The following PCDH11X variants were observed in gnomAD, a reference collection of about 807,000 sequenced individuals.
PCDH11X encodes protocadherin 11 X-linked.
In PCDH11X, 18 loss-of-function variants were observed where a neutral mutation model predicts 53.3. The ratio of observed to expected loss-of-function variants is 0.34; its 90% CI spans 0.23 to 0.50. PCDH11X has a LOEUF of 0.50. Ranked by LOEUF, PCDH11X falls within the 20% of genes least tolerant of loss-of-function variation. The probability of loss-of-function intolerance (pLI) is 0.98; values close to 1 mark genes in which losing one functional copy is unlikely to be tolerated. For missense variants in PCDH11X, 570 were observed against 1,032.4 expected, an observed-to-expected ratio of 0.55 and a Z score of 6.14; for synonymous variants, 279 against 393.3, an observed-to-expected ratio of 0.71 and a Z score of 3.44.
intron 6 of PCDH11X, among the ~76,000 whole-genome samples, chrX:92,112,235 C>A (rs776598227): frequency 1.5e-4 from 16 of 107,697 alleles, no homozygotes; most frequent in African/African-American, 4.8e-4. Flanking sequence ...ATAAGACATG[C>A]GTTATTTGTG....
At chrX:92,133,469 C>T (rs764073862) in intron 6 of PCDH11X, among the ~76,000 whole-genome samples, 3 of 111,616 alleles carry the variant, frequency 2.7e-5, no homozygotes, top group Admixed American at 9.6e-5. Context: ...TGGCTTCAAG[C>T]GATTCTCCTG....
At chrX:92,073,704 G>A (rs2063735704) in intron 6 of PCDH11X, among the ~76,000 whole-genome samples, 1 of 112,322 alleles carries the variant, frequency 8.9e-6, no homozygotes. Context: ...GAATGGGTCA[G>A]TTCTTTAGGG....
At chrX:92,503,036 C>A (rs2073988012) in intron 10 of PCDH11X, among the ~76,000 whole-genome samples, 1 of 106,728 alleles carries the variant, frequency 9.4e-6, no homozygotes, top group Non-Finnish European at 1.9e-5. Context: ...AGAAAAAAAA[C>A]AAACACCTTC....
At chrX:92,155,709 C>T (rs1490351230) in intron 6 of PCDH11X, among the ~76,000 whole-genome samples, 5 of 105,814 alleles carry the variant, frequency 4.7e-5, no homozygotes, top group African/African-American at 1.8e-4. Context: ...TCACTGCAAG[C>T]TCCACCTCTC....
intron 4 of PCDH11X, among the ~76,000 whole-genome samples, chrX:91,814,524 C>A (rs1298642297): frequency 2.0e-5 from 2 of 101,208 alleles, no homozygotes; most frequent in African/African-American, 7.2e-5. Flanking sequence ...ACAGAGCACA[C>A]AGTCTTTAAA....
chrX:92,090,846 C>A (rs1317840028), intron 6 of PCDH11X, among the ~76,000 whole-genome samples: 4 of 111,958 alleles, frequency 3.6e-5, no homozygotes, highest in Admixed American at 1.9e-4. Flanking sequence ...TTGTCTGCAG[C>A]ATCAAACTCT....
chrX:92,498,553 G>T (rs1213250455), intron 10 of PCDH11X, among the ~76,000 whole-genome samples: 2 of 110,063 alleles, frequency 1.8e-5, no homozygotes, highest in Admixed American at 9.8e-5. Context: ...CATGACAAAA[G>T]AATGAAACTT....
intron 10 of PCDH11X, among the ~76,000 whole-genome samples, chrX:92,510,648 A>G (rs1247790511): frequency 1.8e-5 from 2 of 109,739 alleles, no homozygotes; most frequent in African/African-American, 6.6e-5. Flanking sequence ...TTTGGGGTGG[A>G]TTTGATTTAG....
At chrX:92,323,139 ATTTC>A (rs1455495212) in intron 8 of PCDH11X, among the ~76,000 whole-genome samples, 20 of 110,614 alleles carry the variant, frequency 1.8e-4, no homozygotes, top group Non-Finnish European at 3.6e-4. Flanking sequence ...GAGAAAGCCT[ATTTC>A]TTTCTGTTTA....
At chrX:92,581,073 C>T (rs1359853679) in intron 10 of PCDH11X, among the ~76,000 whole-genome samples, 6 of 111,245 alleles carry the variant, frequency 5.4e-5, no homozygotes. Context: ...CTTGACTTCT[C>T]CTCCATAGTA....
At chrX:92,139,223 AT>A (rs1246349317) in intron 6 of PCDH11X, among the ~76,000 whole-genome samples, 2 of 104,872 alleles carry the variant, frequency 1.9e-5, no homozygotes, top group Non-Finnish European at 3.9e-5. Context: ...AAAAAAGTCA[AT>A]TTTACTCTAA....
chrX:92,615,147 C>T (rs1256506876), intron 10 of PCDH11X, among the ~76,000 whole-genome samples: 1 of 111,518 alleles, frequency 9.0e-6, no homozygotes, highest in African/African-American at 3.3e-5. Flanking sequence ...CCCCACTGCA[C>T]CACCATCTAT....
At chrX:92,115,895 AG>A (rs2064628672) in intron 6 of PCDH11X, among the ~76,000 whole-genome samples, 2 of 107,717 alleles carry the variant, frequency 1.9e-5, no homozygotes, top group Non-Finnish European at 3.8e-5. Context: ...ACACCCTCAC[AG>A]ACACACCCAG....
chrX:91,991,619 G>T, intron 6 of PCDH11X, among the ~76,000 whole-genome samples: 1 of 99,721 alleles, frequency 1.0e-5, no homozygotes, highest in Non-Finnish European at 2.0e-5. Context: ...TCTTGGTGTT[G>T]GTAATTCTGG....
intron 8 of PCDH11X, among the ~76,000 whole-genome samples, chrX:92,367,251 C>T (rs1453831800): frequency 9.0e-6 from 1 of 111,424 alleles, no homozygotes; most frequent in Admixed American, 9.5e-5. Context: ...ATGTAATGCC[C>T]TTCTTTGTCT....
chrX:92,590,975 A>G (rs183947864), intron 10 of PCDH11X, among the ~76,000 whole-genome samples: 4,857 of 110,684 alleles, frequency 0.044, 106 homozygotes, highest in Admixed American at 0.085. Flanking sequence ...GTCCCTCCTC[A>G]CTTTGAATGG....
intron 9 of PCDH11X, among the ~76,000 whole-genome samples, chrX:92,392,696 CTT>C (rs1295358683): frequency 9.1e-6 from 1 of 110,438 alleles, no homozygotes; most frequent in Non-Finnish European, 1.9e-5. Flanking sequence ...AACTGTGAAA[CTT>C]TAAAAGAATA....
At chrX:92,340,681 C>T (rs1345223943) in intron 8 of PCDH11X, among the ~76,000 whole-genome samples, 1 of 112,038 alleles carries the variant, frequency 8.9e-6, no homozygotes, top group Admixed American at 9.4e-5. Flanking sequence ...GGCAGTGAGG[C>T]CCTGGTCCTG....
At chrX:92,467,008 A>G (rs898390537) in intron 9 of PCDH11X, among the ~76,000 whole-genome samples, 1 of 111,023 alleles carries the variant, frequency 9.0e-6, no homozygotes, top group Admixed American at 9.6e-5. Context: ...AATTAGAGTG[A>G]TTCTGTGTGT....
Sources: allele counts gnomAD v4.1 joint callset (sites outside exome capture counted in the v4.1 genomes callset), GRCh38; gene constraint gnomAD v4.1.1; transcripts MANE v1.5; gene names NCBI Gene and HGNC (gene_info 2026-07-23, HGNC 2026-07-21).